Variants in PTAR1 observed in about 807,000 individuals in gnomAD.
PTAR1 encodes the protein protein prenyltransferase alpha subunit repeat containing 1, also known as protein prenyltransferase alpha subunit repeat-containing protein 1.
A neutral mutation model predicts 45.5 loss-of-function variants in PTAR1; 17 were observed. That is an observed-to-expected ratio of 0.37 (90% CI 0.26 to 0.56). The LOEUF (loss-of-function observed/expected upper bound fraction) is 0.56, where lower values mean the gene tolerates loss of function less well. Ranked by LOEUF, PTAR1 falls within the 20% of genes least tolerant of loss-of-function variation. PTAR1 has a pLI of 0.77. For synonymous variants in PTAR1, 169 were observed against 171.3 expected (o/e 0.99, Z 0.11); for missense variants, 391 against 476.3 (o/e 0.82, Z 1.67).
intron 2 of PTAR1, among the ~76,000 whole-genome samples, chr9:69,746,463 A>G (rs562847065): frequency 6.6e-6 from 1 of 152,326 alleles, no homozygotes; most frequent in East Asian, 1.9e-4. Context: ...GGACTGAACC[A>G]AAGACCTGAA....
chr9:69,751,566 A>C, intron 1 of PTAR1, among the ~76,000 whole-genome samples: 1 of 152,098 alleles, frequency 6.6e-6, no homozygotes, highest in East Asian at 1.9e-4. Context: ...GGAGAGAGAA[A>C]GGTGGTAAGG....
chr9:69,728,675 G>A (rs1044606011), intron 5 of PTAR1, among the ~76,000 whole-genome samples: 3 of 152,100 alleles, frequency 2.0e-5, no homozygotes, highest in African/African-American at 7.2e-5. Flanking sequence ...TAATTTGCCA[G>A]TAGTAATAAA....
At chr9:69,729,457 T>C (rs1038809630) in intron 5 of PTAR1, among the ~76,000 whole-genome samples, 1 of 152,242 alleles carries the variant, frequency 6.6e-6, no homozygotes, top group Non-Finnish European at 1.5e-5. Flanking sequence ...AATCTAACAA[T>C]TCCCTCATTA....
At chr9:69,732,988 CTACT>C (rs538035440) in intron 4 of PTAR1, among the ~76,000 whole-genome samples, 171 of 152,240 alleles carry the variant, frequency 1.1e-3, no homozygotes, top group Middle Eastern at 6.8e-3. Context: ...GTGTTTCGAG[CTACT>C]TAATGTGTTT....
intron 6 of PTAR1, among the ~76,000 whole-genome samples, chr9:69,722,489 C>T (rs1272242730): frequency 2.0e-5 from 3 of 152,146 alleles, no homozygotes; most frequent in Non-Finnish European, 4.4e-5. Flanking sequence ...AATTCTCTTA[C>T]ACTTTAAACA....
In PTAR1 at chr9:69,713,845, TTA is replaced by T. The variant is rs1824618492; in HGVS notation, c.*4495_*4496del. 1 of 152,136 alleles carries T rather than the reference TTA, an allele frequency of 6.6e-6. No homozygotes were observed. The highest frequency in any genetic ancestry group is 2.4e-5 in the African/African-American group (1 of 41,434). The allele number at this position is 152,136 out of a possible 1,614,324, so 9.4% of individuals were successfully genotyped here. On this transcript the variant is annotated 3_prime_UTR_variant, in exon 8 of 8. Coordinates refer to ENST00000340434, the MANE Select transcript of PTAR1 (RefSeq NM_001099666.2). The stretch of plus-strand genomic sequence containing the variant: ...GGAATAATCAAAGCATCCTGCCTGC[TTA>T]TATCAGTCTCTCACTGAAGGATAAA...
chr9:69,732,203 C>T lies in PTAR1; in HGVS notation c.578G>A (p.Ser193Asn), dbSNP rs766544044. Reference sequence around the variant, plus strand: ...GCGATGGGACCAAGCATTATAGTTGCTTGGGTATCTCCCTGCTGCTTCACC... The same window carrying T: ...GCGATGGGACCAAGCATTATAGTTGTTTGGGTATCTCCCTGCTGCTTCACC... ...VCGEAAGRYPSNYNAWSHRIW... is the reference protein window; with the variant it reads ...VCGEAAGRYPNNYNAWSHRIW... Residue 193 changes from serine to asparagine, a missense_variant, in exon 5 of 8, where the codon AGC becomes AAC. By Grantham distance (46) the Ser-to-Asn change is conservative. Transcript: ENST00000340434. 2 of 1,613,832 alleles carry T rather than the reference C, an allele frequency of 1.2e-6. No individual in the cohort carries two copies. Among genetic ancestry groups the T allele is most frequent in the Admixed American group, 3.3e-5 (2 of 60,004 alleles).
chr9:69,758,891 T>C (rs1826936202), intron 1 of PTAR1, among the ~76,000 whole-genome samples: 1 of 148,166 alleles, frequency 6.7e-6, no homozygotes, highest in Admixed American at 6.7e-5. Context: ...CAAAAACAAC[T>C]AGCTAAAATG....
intron 6 of PTAR1, among the ~76,000 whole-genome samples, chr9:69,720,833 C>G (rs1232034339): frequency 6.6e-6 from 1 of 152,170 alleles, no homozygotes; most frequent in Non-Finnish European, 1.5e-5. Context: ...GAATGGTTAA[C>G]TGAATATTTT....
At chr9:69,721,174 G>A (rs1824983540) in intron 6 of PTAR1, among the ~76,000 whole-genome samples, 1 of 152,174 alleles carries the variant, frequency 6.6e-6, no homozygotes, top group African/African-American at 2.4e-5. Flanking sequence ...TGATTCATGG[G>A]AGGAAGTCAA....
intron 6 of PTAR1, among the ~76,000 whole-genome samples, chr9:69,721,236 T>C (rs1328006514): frequency 2.4e-4 from 37 of 152,148 alleles, no homozygotes; most frequent in Non-Finnish European, 2.9e-5. Context: ...CCCTCATGGA[T>C]GACTTTGAGG....
At chr9:69,740,048 A>G (rs1825972731) in intron 3 of PTAR1, among the ~76,000 whole-genome samples, 1 of 152,192 alleles carries the variant, frequency 6.6e-6, no homozygotes, top group African/African-American at 2.4e-5. Context: ...AAAACTCTTG[A>G]TAATTAAAAG....
At position 69,713,243 on chromosome 9, in the gene PTAR1, TGA is replaced by T. The variant is rs1414704024; in HGVS notation, c.*5097_*5098del. ...GTTTTACAGTGTTAACATGGCCTGGTGAGAGTAGAGAAGTCAAAGTTGGGAGC... is the reference window on the plus strand; with the variant it reads ...GTTTTACAGTGTTAACATGGCCTGGTGAGTAGAGAAGTCAAAGTTGGGAGC... On this transcript the variant is annotated 3_prime_UTR_variant, in exon 8 of 8. Transcript: ENST00000340434. 6.6e-6 allele frequency: 1 copy of T among 152,116 alleles called. No individual in the cohort carries two copies. The highest frequency in any genetic ancestry group is 2.4e-5 in the African/African-American group (1 of 41,436). The allele number at this position is 152,116 out of a possible 1,614,324, so 9.4% of individuals were successfully genotyped here.
At chr9:69,759,026 A>C (rs1826945534) in intron 1 of PTAR1, among the ~76,000 whole-genome samples, 1 of 150,216 alleles carries the variant, frequency 6.7e-6, no homozygotes, top group African/African-American at 2.5e-5. Context: ...CTCTCTCAAT[A>C]GCTTTCTTTT....
rs968301149 is a variant in PTAR1, at chr9:69,716,873, GAAGT to G, written c.*1465_*1468del. ...GTAGAAATCTTGAAGACACACCCCT[GAAGT>G]AAGAAAGGAAAGGTATACAAAAATG... is the stretch of plus-strand genomic sequence containing the variant. On this transcript the variant is annotated 3_prime_UTR_variant, in exon 8 of 8. Coordinates refer to ENST00000340434, the MANE Select transcript of PTAR1 (RefSeq NM_001099666.2). 1.6e-4 allele frequency: 25 copies of G among 152,176 alleles called. No individual in the cohort carries two copies. The highest frequency in any genetic ancestry group is 5.5e-4 in the African/African-American group (23 of 41,538). The allele number at this position is 152,176 out of a possible 1,614,324, so 9.4% of individuals were successfully genotyped here. A position where few individuals can be genotyped will look rare whatever the true frequency, so the allele number is the denominator to read the frequency against.
At chr9:69,724,626 C>T (rs772643655) in intron 5 of PTAR1, among the ~76,000 whole-genome samples, 3 of 151,472 alleles carry the variant, frequency 2.0e-5, no homozygotes, top group Admixed American at 6.6e-5. Context: ...ATTTTTCTTC[C>T]GCGGGAATCT....
chr9:69,748,723 T>C (rs1027026461), intron 2 of PTAR1, among the ~76,000 whole-genome samples: 2 of 152,158 alleles, frequency 1.3e-5, no homozygotes, highest in Non-Finnish European at 2.9e-5. Flanking sequence ...ATAACTGCTT[T>C]TTCCTAACAT....
intron 2 of PTAR1, among the ~76,000 whole-genome samples, chr9:69,750,189 AC>A (rs768444437): frequency 3.9e-5 from 6 of 151,968 alleles, no homozygotes; most frequent in Admixed American, 6.6e-5. Context: ...AAAAAAAAAA[AC>A]TGTCTGAGAG....
chr9:69,752,343 C>A (rs1031082931), intron 1 of PTAR1, among the ~76,000 whole-genome samples: 1 of 152,030 alleles, frequency 6.6e-6, no homozygotes, highest in Non-Finnish European at 1.5e-5. Context: ...TAAAATAAAA[C>A]CCCTCCTGGA....
Sources: gnomAD v4.1 joint callset for allele counts (sites outside exome capture counted in the v4.1 genomes callset) on GRCh38, gnomAD v4.1.1 for gene constraint, MANE v1.5 for transcripts, NCBI Gene and HGNC (gene_info 2026-07-23, HGNC 2026-07-21) for gene names.